ROBO2: variants seen among roughly 807,000 people sequenced by gnomAD.
ROBO2 encodes roundabout guidance receptor 2, also known as roundabout homolog 2.
A neutral mutation model predicts 160.8 loss-of-function variants in ROBO2; 53 were observed. The ratio of observed to expected loss-of-function variants is 0.33; its 90% CI spans 0.26 to 0.41. ROBO2 has a LOEUF of 0.41. ROBO2 is among the 10% of genes least tolerant of loss of function. ROBO2 has a pLI of 1.00. For missense variants in ROBO2, 1,577 were observed against 1,722.4 expected (o/e 0.92, Z 1.49); for synonymous variants, 664 against 611.7 (o/e 1.09, Z -1.26).
At chr3:76,168,954 T>C (rs1164199355) in intron 2 of ROBO2, among the ~76,000 whole-genome samples, 3 of 151,846 alleles carry the variant, frequency 2.0e-5, no homozygotes, top group Non-Finnish European at 4.4e-5. Context: ...GATTATTTAT[T>C]TTCATTGATT....
intron 2 of ROBO2, among the ~76,000 whole-genome samples, chr3:76,937,140 C>T (rs1040450761): frequency 3.9e-5 from 6 of 152,048 alleles, no homozygotes; most frequent in Admixed American, 1.3e-4. Flanking sequence ...ACTTTTGTCA[C>T]GTTTAATCTT....
intron 2 of ROBO2, among the ~76,000 whole-genome samples, chr3:77,201,517 T>G (rs2151021041): frequency 6.6e-6 from 1 of 152,326 alleles, no homozygotes; most frequent in South Asian, 2.1e-4. Context: ...CCGCTGAACC[T>G]TTGAAGACCA....
chr3:76,405,199 T>C (rs2078059117), intron 2 of ROBO2, among the ~76,000 whole-genome samples: 1 of 151,540 alleles, frequency 6.6e-6, no homozygotes. Context: ...GTATGAGCCT[T>C]GGGAAAAATC....
At chr3:76,100,675 T>G (rs2069646766) in intron 2 of ROBO2, among the ~76,000 whole-genome samples, 1 of 151,688 alleles carries the variant, frequency 6.6e-6, no homozygotes, top group South Asian at 2.1e-4. Flanking sequence ...TACTATGTTA[T>G]ACAAAGATGA....
intron 2 of ROBO2, among the ~76,000 whole-genome samples, chr3:77,330,000 G>C (rs753867856): frequency 1.3e-5 from 2 of 152,120 alleles, no homozygotes; most frequent in Non-Finnish European, 2.9e-5. Context: ...CCATTAGACA[G>C]ACTCAAACTA....
chr3:75,946,686 T>A (rs948551428), intron 2 of ROBO2, among the ~76,000 whole-genome samples: 1 of 152,032 alleles, frequency 6.6e-6, no homozygotes, highest in African/African-American at 2.4e-5. Context: ...GAAGGGCAGA[T>A]ATAAAAATTC....
At chr3:76,008,231 T>TC (rs1491465737) in intron 2 of ROBO2, among the ~76,000 whole-genome samples, 3 of 18,782 alleles carry the variant, frequency 1.6e-4, no homozygotes, top group Non-Finnish European at 3.4e-4. Flanking sequence ...CAAGACTCTG[T>TC]CAAAAAAAAA....
rs142366526 is a variant in ROBO2, at chr3:76,314,393, G to T, written c.109+376791G>T. Among the ~76,000 whole-genome samples, 3 of 151,978 alleles carry T rather than the reference G, an allele frequency of 2.0e-5. No individual in the cohort carries two copies. In the East Asian group the frequency reaches 5.8e-4, roughly 29 times the overall value. The stretch of plus-strand genomic sequence containing the variant: ...ATAACTCTACAGAAAAGTTTACAAT[G>T]CAGATGTTCAATATATACAACAAAA... On this transcript the variant is annotated intron_variant, in intron 2 of 26. Coordinates refer to the ROBO2 transcript ENST00000487694.
intron 2 of ROBO2, among the ~76,000 whole-genome samples, chr3:76,497,243 T>A (rs1242770646): frequency 6.6e-6 from 1 of 152,232 alleles, no homozygotes; most frequent in African/African-American, 2.4e-5. Context: ...TCTCCCTCGC[T>A]GAAGTGCAGT....
intron 2 of ROBO2, among the ~76,000 whole-genome samples, chr3:76,328,910 A>T (rs6773286): frequency 6.0e-3 from 219 of 36,372 alleles, no homozygotes; most frequent in Middle Eastern, 0.022. Flanking sequence ...TTATGTTATT[A>T]TATATATATA....
At position 77,326,659 on chromosome 3, in the gene ROBO2, G is replaced by A. The variant is rs114869868; in HGVS notation, c.389-150755G>A. The stretch of plus-strand genomic sequence containing the variant: ...TTTCAAACAAATCACAAAGGTCTGG[G>A]GGAATTGTGATTCTCTAATTCGAGC... On this transcript the variant is annotated intron_variant, in intron 2 of 25. Coordinates refer to ENST00000461745, the Ensembl canonical transcript of ROBO2. Among the ~76,000 whole-genome samples the A allele has an allele frequency of 9.3e-3, 1,409 of 152,154 alleles. 21 individuals are homozygous for A. Among genetic ancestry groups the A allele is most frequent in the African/African-American group, 0.031 (1,301 of 41,498 alleles).
In ROBO2 at chr3:77,642,952, T is replaced by C. The variant is rs1488042559; in HGVS notation, c.3935-1752T>C. ...ACAAGGTGTCGGATCAGGTGTGTTC[T>C]GCACAGTCCCAAGAAAGTGTGGACT... On this transcript the variant is annotated intron_variant, in intron 24 of 25. Transcript: ENST00000461745. 1 of 456,248 alleles carries C rather than the reference T, an allele frequency of 2.2e-6. No individual in the cohort carries two copies. The highest frequency in any genetic ancestry group is 2.0e-5 in the African/African-American group (1 of 50,072). 28.3% of individuals were successfully genotyped at this position (456,248 alleles called of 1,614,324 possible). A position where few individuals can be genotyped will look rare whatever the true frequency, so the allele number is the denominator to read the frequency against.
At chr3:76,287,599 C>T (rs1000872418) in intron 2 of ROBO2, among the ~76,000 whole-genome samples, 1 of 152,174 alleles carries the variant, frequency 6.6e-6, no homozygotes, top group African/African-American at 2.4e-5. Context: ...CGTGCCCGGC[C>T]CTTTTCTTAA....
Position 76,300,327 on chromosome 3 carries a change from C to A in ROBO2, c.109+362725C>A, listed in dbSNP as rs572302727. Among the ~76,000 whole-genome samples the A allele has an allele frequency of 2.0e-5, 3 of 150,298 alleles. No individual in the cohort carries two copies. In the South Asian group the frequency reaches 6.3e-4, roughly 31 times the overall value. ...CTATTCTCACCAACATTAAATAGGT[C>A]TGTGTCAAAAAAAAAATTACATTCT... On this transcript the variant is annotated intron_variant, in intron 2 of 26. Coordinates refer to the ROBO2 transcript ENST00000487694.
chr3:77,274,262 T>A (rs1355371554), intron 2 of ROBO2, among the ~76,000 whole-genome samples: 2 of 152,196 alleles, frequency 1.3e-5, no homozygotes, highest in East Asian at 3.8e-4. Flanking sequence ...GGTCTTTTCT[T>A]CTTTTTCATT....
chr3:76,963,966 A>G (rs1271538081), intron 2 of ROBO2, among the ~76,000 whole-genome samples: 2 of 152,172 alleles, frequency 1.3e-5, no homozygotes, highest in African/African-American at 2.4e-5. Flanking sequence ...TCCTGTCTCC[A>G]GGACCAAATG....
At chr3:77,190,770 G>T (rs557937999) in intron 2 of ROBO2, among the ~76,000 whole-genome samples, 85 of 152,170 alleles carry the variant, frequency 5.6e-4, no homozygotes, top group African/African-American at 1.9e-3. Context: ...TATGAGGAAT[G>T]TGAAGTCTGT....
At chr3:76,532,070 C>A (rs2082260145) in intron 2 of ROBO2, among the ~76,000 whole-genome samples, 1 of 152,142 alleles carries the variant, frequency 6.6e-6, no homozygotes, top group Admixed American at 6.6e-5. Context: ...CGCCCTGCCT[C>A]TCCTGGCCTC....
At chr3:76,700,711 C>A (rs2093029973) in intron 2 of ROBO2, among the ~76,000 whole-genome samples, 2 of 152,070 alleles carry the variant, frequency 1.3e-5, no homozygotes, top group African/African-American at 4.8e-5. Context: ...TGTAGTGAAG[C>A]CCCAAGTCTA....
Sources: gnomAD v4.1 joint callset for allele counts (sites outside exome capture counted in the v4.1 genomes callset) on GRCh38, gnomAD v4.1.1 for gene constraint, MANE v1.5 for transcripts, NCBI Gene and HGNC (gene_info 2026-07-23, HGNC 2026-07-21) for gene names.